Variants in TMEM178B observed in about 807,000 individuals in gnomAD.
TMEM178B encodes transmembrane protein 178B.
Under a neutral mutation model 31.0 loss-of-function variants are expected in TMEM178B, and 5 were observed. The ratio of observed to expected loss-of-function variants is 0.16; its 90% confidence interval spans 0.08 to 0.34. TMEM178B has a LOEUF of 0.34. Among genes scored for constraint, TMEM178B ranks in the 10% least tolerant of loss-of-function variants. The probability of loss-of-function intolerance (pLI) is 1.00; values close to 1 mark genes in which losing one functional copy is unlikely to be tolerated. For missense variants in TMEM178B, 275 were observed against 400.3 expected (o/e 0.69, Z 2.67); for synonymous variants, 164 against 164.0 (o/e 1.00, Z 0.00).
intron 2 of TMEM178B, among the ~76,000 whole-genome samples, chr7:141,398,508 C>T (rs750692966): frequency 1.3e-5 from 2 of 152,160 alleles, no homozygotes; most frequent in Admixed American, 6.5e-5. Context: ...TTCTTTCCTC[C>T]CATCCCCTCT....
chr7:141,263,571 A>G (rs1313959624), intron 2 of TMEM178B, among the ~76,000 whole-genome samples: 3 of 152,124 alleles, frequency 2.0e-5, no homozygotes, highest in Non-Finnish European at 4.4e-5. Context: ...AGTGTTGATC[A>G]TTGAGACTAC....
rs540305381 is a variant in TMEM178B at position 141,171,518 on chromosome 7, G to C, written c.383-41073G>C. 1.4e-4 allele frequency among the ~76,000 whole-genome samples: 21 copies of C among 152,332 alleles called. No homozygotes were observed. The highest frequency in any genetic ancestry group is 5.1e-4 in the African/African-American group (21 of 41,564). ...CTCAGGTCTTTTGACTGTTCTGCTA[G>C]TTGGTGTTTCTGGGCTGTGGGTTGG... is the stretch of plus-strand genomic sequence containing the variant. On this transcript the variant is annotated intron_variant, in intron 1 of 3. Coordinates refer to ENST00000565468, the MANE Select transcript of TMEM178B (RefSeq NM_001195278.2). The surrounding 1 kb of genome is among the most constrained non-coding windows in gnomAD (Gnocchi z 4.3).
chr7:141,349,875 C>T (rs1384483041), intron 2 of TMEM178B, among the ~76,000 whole-genome samples: 1 of 152,060 alleles, frequency 6.6e-6, no homozygotes, highest in East Asian at 1.9e-4. Context: ...AGAAGGCAGC[C>T]CCCTCGTTGT....
chr7:141,106,372 AACACATAGATATATT>A (rs1795146678), intron 1 of TMEM178B, among the ~76,000 whole-genome samples: 1 of 152,234 alleles, frequency 6.6e-6, no homozygotes, highest in Admixed American at 6.5e-5. Context: ...TGTATATTAA[AACACATAGATATATT>A]ACAGAGAGGA....
chr7:141,369,316 C>CGTGTGTGTGTGT (rs55960871), intron 2 of TMEM178B, among the ~76,000 whole-genome samples: 6 of 138,436 alleles, frequency 4.3e-5, no homozygotes, highest in Admixed American at 7.1e-5. Flanking sequence ...TCCGCGCCGA[C>CGTGTGTGTGTGT]GTGTGTGTGT....
chr7:141,089,810 T>C (rs1794850317), intron 1 of TMEM178B, among the ~76,000 whole-genome samples: 1 of 150,816 alleles, frequency 6.6e-6, no homozygotes, highest in African/African-American at 2.4e-5. Context: ...AATTGAACAG[T>C]GAGAACACTT....
chr7:141,125,872 C>CTGAATATAAGT (rs1795487908), intron 1 of TMEM178B, among the ~76,000 whole-genome samples: 1 of 152,078 alleles, frequency 6.6e-6, no homozygotes, highest in African/African-American at 2.4e-5. Flanking sequence ...TAAGAATGAG[C>CTGAATATAAGT]TGAATATAAG....
At chr7:141,185,723 G>A (rs1488905576) in intron 1 of TMEM178B, among the ~76,000 whole-genome samples, 1 of 152,034 alleles carries the variant, frequency 6.6e-6, no homozygotes, top group African/African-American at 2.4e-5. Context: ...TGCAGCATTT[G>A]GGCAGACAAA....
At chr7:141,370,870 C>T (rs1800103147) in intron 2 of TMEM178B, among the ~76,000 whole-genome samples, 1 of 152,244 alleles carries the variant, frequency 6.6e-6, no homozygotes, top group Non-Finnish European at 1.5e-5. Context: ...GACTCTCAGT[C>T]ATGCGGCTCA....
At chr7:141,155,184 T>C (rs1256392770) in intron 1 of TMEM178B, among the ~76,000 whole-genome samples, 2 of 152,156 alleles carry the variant, frequency 1.3e-5, no homozygotes, top group Non-Finnish European at 2.9e-5. Flanking sequence ...GCAGCAAGAA[T>C]CAGGATACTG....
intron 2 of TMEM178B, among the ~76,000 whole-genome samples, chr7:141,245,782 A>C (rs1191202909): frequency 2.0e-5 from 3 of 152,324 alleles, no homozygotes; most frequent in Non-Finnish European, 4.4e-5. Flanking sequence ...GTCGATCTTC[A>C]TCCAAACCTT....
At chr7:141,216,428 T>TGC (rs1563120668) in intron 2 of TMEM178B, among the ~76,000 whole-genome samples, 1 of 71,136 alleles carries the variant, frequency 1.4e-5, no homozygotes, top group Non-Finnish European at 3.4e-5. Flanking sequence ...GAAGCCTGTG[T>TGC]GTGTGTGTGT....
At chr7:141,361,652 T>C (rs1318413405) in intron 2 of TMEM178B, among the ~76,000 whole-genome samples, 1 of 152,214 alleles carries the variant, frequency 6.6e-6, no homozygotes, top group Non-Finnish European at 1.5e-5. Flanking sequence ...GAGTAACCCT[T>C]GTCCCGTTTT....
the TMEM178B span, among the ~76,000 whole-genome samples, chr7:141,504,000 G>A: frequency 2.0e-5 from 3 of 152,190 alleles, no homozygotes; most frequent in Non-Finnish European, 2.9e-5. Flanking sequence ...GAGCCAGGAA[G>A]AAATTTAATA....
At position 141,475,608 on chromosome 7, in the gene TMEM178B, C is replaced by T. The variant is rs1013710751; in HGVS notation, c.*4822C>T. On this transcript the variant is annotated 3_prime_UTR_variant, in exon 4 of 4. Coordinates refer to ENST00000565468, the MANE Select transcript of TMEM178B (RefSeq NM_001195278.2). ...ATGTGAGCAGTGTACACCACAGAACCGCACTGGTCTGCGTTGAGTTGACCC... is the reference window on the plus strand; with the variant it reads ...ATGTGAGCAGTGTACACCACAGAACTGCACTGGTCTGCGTTGAGTTGACCC... 2 of 152,148 alleles carry T rather than the reference C, an allele frequency of 1.3e-5. No homozygotes were observed. Among genetic ancestry groups the T allele is most frequent in the African/African-American group, 4.8e-5 (2 of 41,422 alleles). The allele number at this position is 152,148 out of a possible 1,614,324, so 9.4% of individuals were successfully genotyped here.
chr7:141,506,429 C>T, the TMEM178B span, among the ~76,000 whole-genome samples: 3 of 152,316 alleles, frequency 2.0e-5, no homozygotes, highest in East Asian at 3.9e-4. Context: ...AAAGGCACTT[C>T]TTACATGGTG....
intron 2 of TMEM178B, among the ~76,000 whole-genome samples, chr7:141,267,811 T>C (rs1414373588): frequency 2.0e-5 from 3 of 152,262 alleles, no homozygotes; most frequent in Admixed American, 6.5e-5. Context: ...CCTGATTCTC[T>C]ACTCCTCATC....
chr7:141,079,814 A>C (rs1296202319), intron 1 of TMEM178B, among the ~76,000 whole-genome samples: 1 of 152,130 alleles, frequency 6.6e-6, no homozygotes, highest in Non-Finnish European at 1.5e-5. Context: ...TAACCCTAGG[A>C]AGTATAAGTA....
At chr7:141,113,305 G>A (rs983720135) in intron 1 of TMEM178B, among the ~76,000 whole-genome samples, 1 of 152,192 alleles carries the variant, frequency 6.6e-6, no homozygotes, top group African/African-American at 2.4e-5. Flanking sequence ...TCAGAGCCCT[G>A]CGCTCTGTCC....
Sources: allele counts gnomAD v4.1 joint callset (sites outside exome capture counted in the v4.1 genomes callset), GRCh38; gene constraint gnomAD v4.1.1; non-coding constraint Gnocchi (gnomAD v3.1); transcripts MANE v1.5; gene names NCBI Gene and HGNC (gene_info 2026-07-23, HGNC 2026-07-21).